Variants in CDH4 observed in about 807,000 individuals in gnomAD.
CDH4 encodes cadherin-4.
Under a neutral mutation model 86.0 loss-of-function variants are expected in CDH4, and 33 were observed. The ratio of observed to expected loss-of-function variants is 0.38; its 90% CI spans 0.29 to 0.51. The LOEUF is 0.51. Among genes scored for constraint, CDH4 ranks in the 20% least tolerant of loss-of-function variants. The pLI, the probability that CDH4 is intolerant of heterozygous loss-of-function variation, is 0.86. For synonymous variants in CDH4, 555 were observed against 549.4 expected, an observed-to-expected ratio of 1.01 and a Z score of -0.14; for missense variants, 1,114 against 1,307.4, an observed-to-expected ratio of 0.85 and a Z score of 2.28.
At chr20:61,293,491 A>G (rs1444002438) in intron 2 of CDH4, among the ~76,000 whole-genome samples, 2 of 152,116 alleles carry the variant, frequency 1.3e-5, no homozygotes, top group African/African-American at 4.8e-5. Flanking sequence ...TCACTCAACC[A>G]ACACTTGTTG....
At chr20:61,255,073 A>G in intron 2 of CDH4, 136 bp downstream of exon 2, 1 of 641,168 alleles carries the variant, frequency 1.6e-6, no homozygotes, top group Non-Finnish European at 2.8e-6. Context: ...CACGAGGTGC[A>G]AATTGGTTGA....
intron 2 of CDH4, among the ~76,000 whole-genome samples, chr20:61,259,221 A>T (rs1483582824): frequency 1.3e-5 from 2 of 152,198 alleles, no homozygotes; most frequent in East Asian, 1.9e-4. Flanking sequence ...TTGAAGAGAG[A>T]TCAGATGCAG....
chr20:61,802,548 G>A (rs971073342), intron 4 of CDH4, among the ~76,000 whole-genome samples: 5 of 151,874 alleles, frequency 3.3e-5, no homozygotes, highest in Admixed American at 2.6e-4. Flanking sequence ...AACTTACTTG[G>A]GGAAAAAAAA....
intron 8 of CDH4, among the ~76,000 whole-genome samples, chr20:61,909,360 T>C (rs922955419): frequency 5.9e-5 from 9 of 152,270 alleles, no homozygotes; most frequent in Admixed American, 2.0e-4. Context: ...CAGACACAAG[T>C]GCTGGAAGGT....
At chr20:61,266,206 G>C (rs368993810) in intron 2 of CDH4, among the ~76,000 whole-genome samples, 4 of 152,064 alleles carry the variant, frequency 2.6e-5, no homozygotes, top group Non-Finnish European at 4.4e-5. Flanking sequence ...TGGTACAGCC[G>C]CAGGTGTTGA....
chr20:61,450,677 G>C (rs903941025), intron 2 of CDH4, among the ~76,000 whole-genome samples: 4 of 151,922 alleles, frequency 2.6e-5, no homozygotes, highest in African/African-American at 7.2e-5. Flanking sequence ...TGAGCTTGCT[G>C]TGATAAGACA....
chr20:61,807,716 G>A lies in CDH4; in HGVS notation c.576+34534G>A, dbSNP rs1235851085. Among the ~76,000 whole-genome samples, 1 of 152,194 alleles carries A rather than the reference G, an allele frequency of 6.6e-6. No individual in the cohort carries two copies. The highest frequency in any genetic ancestry group is 1.5e-5 in the Non-Finnish European group (1 of 68,036). On this transcript the variant is annotated intron_variant, in intron 4 of 15. Transcript: ENST00000614565. This position sits in a 1 kb window ranked among gnomAD's most constrained non-coding sequence, Gnocchi z 4.5. ...GCTCTTCAGACTCAAACGGTGTGATGAACAAACCGACTCGGAAAATGCCTG... is the reference window on the plus strand; with the variant it reads ...GCTCTTCAGACTCAAACGGTGTGATAAACAAACCGACTCGGAAAATGCCTG...
At position 61,621,016 on chromosome 20, in the gene CDH4, T is replaced by C. The variant is rs1388658804; in HGVS notation, c.170-122547T>C. On this transcript the variant is annotated intron_variant, in intron 2 of 15. Transcript: ENST00000614565. ...GATCATGTCTGCAGGTTTGTGGAGA[T>C]TTATCTGTGTCCAAATAAGCGTTGG... 2.6e-5 allele frequency among the ~76,000 whole-genome samples: 4 copies of C among 152,252 alleles called. No individual in the cohort carries two copies. The East Asian group carries it at 5.8e-4, about 22-fold the overall frequency.
rs192541329 is a variant in CDH4 at position 61,325,777 on chromosome 20, T to C, written c.169+70840T>C. Among the ~76,000 whole-genome samples, 710 of 152,298 alleles carry C rather than the reference T, an allele frequency of 4.7e-3. 2 individuals carry two copies. The highest frequency in any genetic ancestry group is 0.012 in the South Asian group (58 of 4,820). On this transcript the variant is annotated intron_variant, in intron 2 of 15. Transcript: ENST00000614565. ...GCAGCGCTGTCTGTAAAGAGTTCCATGGCCATCAGCTTTGGAGGGCTGCCT... is the reference window on the plus strand; with the variant it reads ...GCAGCGCTGTCTGTAAAGAGTTCCACGGCCATCAGCTTTGGAGGGCTGCCT...
chr20:61,383,225 TA>T lies in CDH4; in HGVS notation c.169+128289del, dbSNP rs549666839. On this transcript the variant is annotated intron_variant, in intron 2 of 15. Coordinates refer to ENST00000614565, the MANE Select transcript of CDH4 (RefSeq NM_001794.5). ...TATATATGAATATATATGAATATAT[TA>T]TATATATGAATATATATGATTATAT... Among the ~76,000 whole-genome samples, 22 of 77,248 alleles carry T rather than the reference TA, an allele frequency of 2.8e-4. 2 individuals carry two copies. Among genetic ancestry groups the T allele is most frequent in the African/African-American group, 1.1e-3 (18 of 16,342 alleles). 50.7% of individuals were successfully genotyped at this position (77,248 alleles called of 152,430 possible). A position where few individuals can be genotyped will look rare whatever the true frequency, so the allele number is the denominator to read the frequency against.
intron 2 of CDH4, among the ~76,000 whole-genome samples, chr20:61,711,999 T>G (rs1216366702): frequency 6.6e-6 from 1 of 152,094 alleles, no homozygotes; most frequent in African/African-American, 2.4e-5. Flanking sequence ...CCCCACTCTG[T>G]GCAGGAGGGG....
chr20:61,672,709 C>A (rs2087404079), intron 2 of CDH4, among the ~76,000 whole-genome samples: 1 of 152,122 alleles, frequency 6.6e-6, no homozygotes, highest in South Asian at 2.1e-4. Context: ...GAGCATCCCT[C>A]AGGGTCACTG....
intron 2 of CDH4, among the ~76,000 whole-genome samples, chr20:61,379,978 T>C (rs536893934): frequency 6.9e-5 from 10 of 144,318 alleles, no homozygotes; most frequent in African/African-American, 2.7e-4. Flanking sequence ...GTAGATAATT[T>C]TGTTGCAGAC....
chr20:61,519,081 C>T (rs1479904291), intron 2 of CDH4, among the ~76,000 whole-genome samples: 1 of 152,250 alleles, frequency 6.6e-6, no homozygotes, highest in Non-Finnish European at 1.5e-5. Flanking sequence ...GTATGACCAT[C>T]ACCCCTCCAG....
At chr20:61,584,059 CT>C (rs2086452162) in intron 2 of CDH4, among the ~76,000 whole-genome samples, 1 of 152,188 alleles carries the variant, frequency 6.6e-6, no homozygotes, top group Admixed American at 6.5e-5. Context: ...ACTTAGGAGG[CT>C]GAGGCATGAG....
chr20:61,547,212 TTTTTTTTTTTTG>T (rs1353982955), intron 2 of CDH4, among the ~76,000 whole-genome samples: 38 of 89,966 alleles, frequency 4.2e-4, no homozygotes, highest in Middle Eastern at 5.3e-3. Flanking sequence ...TTTTTTTTTT[TTTTTTTTTTTTG>T]CCCCCTGAGA....
chr20:61,479,328 T>G (rs1463063352), intron 2 of CDH4, among the ~76,000 whole-genome samples: 2 of 152,088 alleles, frequency 1.3e-5, no homozygotes, highest in African/African-American at 4.8e-5. Context: ...ATTAGGTATA[T>G]CTCCTAATGC....
intron 2 of CDH4, among the ~76,000 whole-genome samples, chr20:61,337,494 A>G (rs942555480): frequency 1.3e-5 from 2 of 151,868 alleles, no homozygotes; most frequent in South Asian, 4.2e-4. Context: ...GACAATGACA[A>G]TGATAAAAAC....
rs138233908 is a variant in CDH4, at chr20:61,257,656, G to C, written c.169+2719G>C. Among the ~76,000 whole-genome samples, 691 of 152,364 alleles carry C rather than the reference G, an allele frequency of 4.5e-3. 6 individuals carry two copies. Among genetic ancestry groups the C allele is most frequent in the African/African-American group, 0.016 (663 of 41,594 alleles). On this transcript the variant is annotated intron_variant, in intron 2 of 15. Coordinates refer to ENST00000614565, the MANE Select transcript of CDH4 (RefSeq NM_001794.5). Reference sequence around the variant, plus strand: ...GCATGGCCGTATCTAAAATAGGACGGTGAAGCCGTTTGCCTTAGGCTAAAA... The same window carrying C: ...GCATGGCCGTATCTAAAATAGGACGCTGAAGCCGTTTGCCTTAGGCTAAAA...
Sources: allele counts gnomAD v4.1 joint callset (sites outside exome capture counted in the v4.1 genomes callset), GRCh38; gene constraint gnomAD v4.1.1; non-coding constraint Gnocchi (gnomAD v3.1); transcripts MANE v1.5; gene names NCBI Gene and HGNC (gene_info 2026-07-23, HGNC 2026-07-21).